Variants in KCNQ5 observed in about 807,000 individuals in gnomAD.
KCNQ5 encodes the protein potassium voltage-gated channel subfamily KQT member 5.
KCNQ5 carries 30 observed loss-of-function variants against 98.2 expected under a neutral mutation model. That is an observed-to-expected ratio of 0.31 (90% CI 0.23 to 0.41). The LOEUF is 0.41. Ranked by LOEUF, KCNQ5 falls within the 10% of genes least tolerant of loss-of-function variation. The pLI is 1.00. For synonymous variants in KCNQ5, 458 were observed against 449.4 expected (o/e 1.02, Z -0.24); for missense variants, 835 against 1,182.5 (o/e 0.71, Z 4.31).
chr6:73,025,381 G>A (rs1770826769), intron 2 of KCNQ5, among the ~76,000 whole-genome samples: 1 of 152,074 alleles, frequency 6.6e-6, no homozygotes, highest in Admixed American at 6.5e-5. Context: ...CAGAACTTTG[G>A]GAGGCTGAGG....
intron 1 of KCNQ5, among the ~76,000 whole-genome samples, chr6:72,973,776 G>C (rs1032440628): frequency 7.2e-5 from 11 of 152,098 alleles, no homozygotes. Flanking sequence ...CAGTTTTTCT[G>C]TCACTTGCAA....
chr6:73,006,669 A>T (rs1769828493), intron 2 of KCNQ5, among the ~76,000 whole-genome samples: 2 of 152,164 alleles, frequency 1.3e-5, no homozygotes, highest in African/African-American at 4.8e-5. Context: ...GAATAAAATA[A>T]AATAAAATGT....
At chr6:72,941,592 T>C (rs1407594533) in intron 1 of KCNQ5, among the ~76,000 whole-genome samples, 5 of 139,354 alleles carry the variant, frequency 3.6e-5, no homozygotes, top group African/African-American at 1.3e-4. Context: ...CCTCCCTTCC[T>C]TCCTCCCTTA....
At chr6:73,178,766 T>C (rs1203177270) in intron 11 of KCNQ5, among the ~76,000 whole-genome samples, 1 of 152,220 alleles carries the variant, frequency 6.6e-6, no homozygotes, top group Non-Finnish European at 1.5e-5. Flanking sequence ...ATCTTAGATA[T>C]ATAATTTTAT....
chr6:72,695,878 T>C (rs1363896819), intron 1 of KCNQ5, among the ~76,000 whole-genome samples: 2 of 152,150 alleles, frequency 1.3e-5, no homozygotes, highest in Non-Finnish European at 2.9e-5. Context: ...CTGGGCAACA[T>C]AGCAAGTCTC....
chr6:73,010,420 GA>G (rs1317420925), intron 2 of KCNQ5, among the ~76,000 whole-genome samples: 8 of 152,028 alleles, frequency 5.3e-5, no homozygotes, highest in African/African-American at 1.9e-4. Flanking sequence ...ACACAAAGGT[GA>G]AAGACTAAAA....
At chr6:72,737,220 A>G (rs930070969) in intron 1 of KCNQ5, among the ~76,000 whole-genome samples, 2 of 152,236 alleles carry the variant, frequency 1.3e-5, no homozygotes, top group African/African-American at 4.8e-5. Flanking sequence ...TTGGCCTTCC[A>G]AAGTTCTGGG....
At chr6:73,088,575 C>T (rs2150402208) in intron 5 of KCNQ5, among the ~76,000 whole-genome samples, 1 of 152,274 alleles carries the variant, frequency 6.6e-6, no homozygotes, top group East Asian at 1.9e-4. Context: ...ATGCACATAG[C>T]TTTAACATCA....
In KCNQ5 at chr6:72,846,752, A is replaced by C. The variant is rs143244753; in HGVS notation, c.399-157156A>C. On this transcript the variant is annotated intron_variant, in intron 1 of 13. Coordinates refer to ENST00000370398, the MANE Select transcript of KCNQ5 (RefSeq NM_019842.4). Reference sequence around the variant, plus strand: ...CTCTGAATGACATTTGGCTGTTAAAAGTGTCAAATTCATCCTCAAATGGTG... The same window carrying C: ...CTCTGAATGACATTTGGCTGTTAAACGTGTCAAATTCATCCTCAAATGGTG... Among the ~76,000 whole-genome samples, 29 of 152,314 alleles carry C rather than the reference A, an allele frequency of 1.9e-4. 1 individual carries two copies. The South Asian group carries it at 6.0e-3, about 32-fold the overall frequency.
At chr6:72,871,999 A>G (rs1265999013) in intron 1 of KCNQ5, among the ~76,000 whole-genome samples, 1 of 152,242 alleles carries the variant, frequency 6.6e-6, no homozygotes, top group Non-Finnish European at 1.5e-5. Flanking sequence ...AAACAAAGAA[A>G]GAAAGAGCAG....
chr6:72,785,254 C>G (rs143109580), intron 1 of KCNQ5, among the ~76,000 whole-genome samples: 1 of 152,166 alleles, frequency 6.6e-6, no homozygotes. Context: ...TGTGACTATG[C>G]TCCTTTGGTC....
At chr6:72,632,200 C>G (rs1165584343) in intron 1 of KCNQ5, among the ~76,000 whole-genome samples, 2 of 146,530 alleles carry the variant, frequency 1.4e-5, no homozygotes, top group Non-Finnish European at 1.5e-5. Flanking sequence ...TTCGGTGGCG[C>G]GATCCCCGCT....
chr6:73,153,699 A>C (rs1237455716), intron 10 of KCNQ5, among the ~76,000 whole-genome samples: 1 of 152,166 alleles, frequency 6.6e-6, no homozygotes, highest in African/African-American at 2.4e-5. Context: ...AGAAAAAAAA[A>C]AGGTAAGCTA....
At chr6:73,135,372 C>T (rs1776420242) in intron 10 of KCNQ5, 1 of 148,752 alleles carries the variant, frequency 6.7e-6, no homozygotes, top group South Asian at 2.1e-4. Context: ...ACAGGTAAAG[C>T]TCTTGTAATA....
At chr6:73,066,079 G>A (rs1450515803) in intron 3 of KCNQ5, among the ~76,000 whole-genome samples, 1 of 152,228 alleles carries the variant, frequency 6.6e-6, no homozygotes, top group Non-Finnish European at 1.5e-5. Flanking sequence ...CCGAGAGGCG[G>A]AGGTTGCAGT....
intron 10 of KCNQ5, among the ~76,000 whole-genome samples, chr6:73,163,189 G>C (rs566337993): frequency 7.2e-5 from 11 of 152,046 alleles, no homozygotes; most frequent in Non-Finnish European, 1.0e-4. Context: ...AGGAGTTCAA[G>C]ACCAGCCTGG....
intron 1 of KCNQ5, among the ~76,000 whole-genome samples, chr6:72,767,414 A>G (rs1424410581): frequency 6.6e-6 from 1 of 152,044 alleles, no homozygotes; most frequent in Non-Finnish European, 1.5e-5. Flanking sequence ...AAATCATTAT[A>G]ATCTTGGTTT....
chr6:72,851,296 C>T (rs1017699791), intron 1 of KCNQ5, among the ~76,000 whole-genome samples: 8 of 152,208 alleles, frequency 5.3e-5, no homozygotes, highest in South Asian at 4.1e-4. Flanking sequence ...ATTAGTTCAA[C>T]GACACTTTCT....
At chr6:72,946,070 C>T (rs1766531771) in intron 1 of KCNQ5, among the ~76,000 whole-genome samples, 1 of 152,140 alleles carries the variant, frequency 6.6e-6, no homozygotes, top group Non-Finnish European at 1.5e-5. Flanking sequence ...TCTCACGAAC[C>T]ACAGTATTTT....
Sources: allele counts gnomAD v4.1 joint callset (sites outside exome capture counted in the v4.1 genomes callset), GRCh38; gene constraint gnomAD v4.1.1; transcripts MANE v1.5; gene names NCBI Gene and HGNC (gene_info 2026-07-23, HGNC 2026-07-21).